The following ZBTB20 variants were observed in gnomAD, a reference collection of about 807,000 sequenced individuals.
The protein encoded by ZBTB20 is zinc finger and BTB domain-containing protein 20.
ZBTB20 carries 9 observed loss-of-function variants against 56.9 expected under a neutral mutation model. The observed-to-expected ratio is 0.16, with a 90% CI of 0.10 to 0.28. The LOEUF (loss-of-function observed/expected upper bound fraction) is 0.28. Ranked by LOEUF, ZBTB20 falls within the 10% of genes least tolerant of loss-of-function variation. ZBTB20 has a pLI of 1.00. For missense variants in ZBTB20, 655 were observed against 1,003.0 expected, an observed-to-expected ratio of 0.65 and a Z score of 4.69; for synonymous variants, 417 against 420.7, an observed-to-expected ratio of 0.99 and a Z score of 0.11.
intron 2 of ZBTB20, among the ~76,000 whole-genome samples, chr3:115,031,503 T>C (rs928958931): frequency 6.6e-6 from 1 of 151,418 alleles, no homozygotes; most frequent in Non-Finnish European, 1.5e-5. Context: ...TTCAAAGTTT[T>C]CCAAGGAGCT....
At chr3:115,115,698 T>C (rs1490201533) in intron 1 of ZBTB20, among the ~76,000 whole-genome samples, 1 of 152,066 alleles carries the variant, frequency 6.6e-6, no homozygotes, top group Non-Finnish European at 1.5e-5. Flanking sequence ...AATATGTTTG[T>C]ATTTTAATAT....
In ZBTB20 at chr3:114,380,200, C is replaced by T. The variant is rs1289579586; in HGVS notation, c.199+17G>A. 60 of 1,531,738 alleles carry T rather than the reference C, an allele frequency of 3.9e-5. No individual in the cohort carries two copies. The highest frequency in any genetic ancestry group is 5.2e-5 in the Non-Finnish European group (60 of 1,144,090). 94.9% of individuals were successfully genotyped at this position (1,531,738 alleles called of 1,614,324 possible). ...CCAAGCACTGCAAAGACACCATCACCTTAGTGGTGTACTCACAATCAGATG... is the reference window on the plus strand; with the variant it reads ...CCAAGCACTGCAAAGACACCATCACTTTAGTGGTGTACTCACAATCAGATG... On this transcript the variant is annotated intron_variant, in intron 10 of 11. Coordinates refer to ENST00000675478, the MANE Select transcript of ZBTB20 (RefSeq NM_001348800.3).
At chr3:114,883,916 C>CCTTTTTTT (rs1223732179) in intron 4 of ZBTB20, among the ~76,000 whole-genome samples, 13,708 of 89,594 alleles carry the variant, frequency 0.15, 5,480 homozygotes, top group Non-Finnish European at 0.19. Context: ...ATGGTGTGTT[C>CCTTTTTTT]TTTTTTTTTT....
At chr3:114,446,635 C>G (rs896619226) in intron 7 of ZBTB20, among the ~76,000 whole-genome samples, 2 of 152,088 alleles carry the variant, frequency 1.3e-5, no homozygotes, top group Non-Finnish European at 2.9e-5. Context: ...CACGAACTTC[C>G]TCTCTCTCTT....
chr3:114,588,027 G>T (rs1335938235), intron 6 of ZBTB20, among the ~76,000 whole-genome samples: 1 of 152,170 alleles, frequency 6.6e-6, no homozygotes, highest in Non-Finnish European at 1.5e-5. Flanking sequence ...GCATCTCCTT[G>T]TGTCCATGAC....
At chr3:115,127,875 C>A (rs574560712) in intron 1 of ZBTB20, among the ~76,000 whole-genome samples, 1 of 152,152 alleles carries the variant, frequency 6.6e-6, no homozygotes, top group African/African-American at 2.4e-5. Flanking sequence ...ATGAAAGACA[C>A]TTCTTTCCTA....
chr3:114,686,779 C>T (rs1385485400), intron 6 of ZBTB20, among the ~76,000 whole-genome samples: 1 of 152,124 alleles, frequency 6.6e-6, no homozygotes, highest in Non-Finnish European at 1.5e-5. Context: ...ATCTACATAT[C>T]TCTAACGAGA....
intron 6 of ZBTB20, among the ~76,000 whole-genome samples, chr3:114,571,830 C>G (rs1296827878): frequency 6.6e-6 from 1 of 152,054 alleles, no homozygotes; most frequent in Non-Finnish European, 1.5e-5. Context: ...AAACAGGCTC[C>G]CCAAGTAATT....
intron 3 of ZBTB20, among the ~76,000 whole-genome samples, chr3:114,964,424 A>G (rs190770844): frequency 2.6e-5 from 4 of 152,270 alleles, no homozygotes; most frequent in Admixed American, 1.3e-4. Context: ...CAAAAAGCAA[A>G]CAAACAAACA....
At chr3:114,987,346 G>C (rs1250877905) in intron 2 of ZBTB20, among the ~76,000 whole-genome samples, 1 of 152,090 alleles carries the variant, frequency 6.6e-6, no homozygotes, top group Non-Finnish European at 1.5e-5. Context: ...TACAATGAAT[G>C]CAGAAAGCTT....
intron 5 of ZBTB20, among the ~76,000 whole-genome samples, chr3:114,732,568 G>C (rs1461881013): frequency 2.6e-5 from 4 of 152,178 alleles, no homozygotes; most frequent in Admixed American, 2.6e-4. Flanking sequence ...TACTCCTGGG[G>C]AAGGCTACAT....
intron 6 of ZBTB20, among the ~76,000 whole-genome samples, chr3:114,643,993 T>C (rs566198456): frequency 6.6e-6 from 1 of 152,156 alleles, no homozygotes; most frequent in South Asian, 2.1e-4. Context: ...TTAACTATTT[T>C]TTGAGTGCAC....
Position 114,338,713 on chromosome 3 carries a change from G to A in ZBTB20, c.*292C>T. ...TTTGTAAAGAAGGGTTGTATTTAGA[G>A]GCCAGTAGCTAGAGATCCAACCAGT... On this transcript the variant is annotated 3_prime_UTR_variant, in exon 12 of 12. Transcript: ENST00000675478. The A allele has an allele frequency of 3.6e-6, 1 of 280,230 alleles. No individual in the cohort carries two copies. The highest frequency in any genetic ancestry group is 6.5e-6 in the Non-Finnish European group (1 of 152,788). The allele number at this position is 280,230 out of a possible 1,614,324, so 17.4% of individuals were successfully genotyped here.
intron 5 of ZBTB20, among the ~76,000 whole-genome samples, chr3:114,773,312 G>A (rs910497980): frequency 6.6e-6 from 1 of 151,974 alleles, no homozygotes; most frequent in Non-Finnish European, 1.5e-5. Context: ...GTTTGTGGTT[G>A]GTACAACAGC....
At chr3:115,120,854 A>G (rs2084164355) in intron 1 of ZBTB20, among the ~76,000 whole-genome samples, 1 of 152,108 alleles carries the variant, frequency 6.6e-6, no homozygotes, top group Admixed American at 6.5e-5. Flanking sequence ...ATAAGAAAAA[A>G]GTGATAAAAT....
chr3:114,863,258 G>T (rs962049040), intron 4 of ZBTB20, among the ~76,000 whole-genome samples: 6 of 152,082 alleles, frequency 3.9e-5, no homozygotes, highest in African/African-American at 1.4e-4. Flanking sequence ...CAATATCTAA[G>T]AAATTAATTT....
chr3:114,721,955 C>T (rs1220192951), intron 5 of ZBTB20, among the ~76,000 whole-genome samples: 1 of 152,192 alleles, frequency 6.6e-6, no homozygotes, highest in East Asian at 1.9e-4. Flanking sequence ...ATAAAAGCCA[C>T]AGAAGCAACT....
At chr3:114,829,290 C>A (rs565852233) in intron 4 of ZBTB20, among the ~76,000 whole-genome samples, 3 of 151,882 alleles carry the variant, frequency 2.0e-5, no homozygotes, top group African/African-American at 7.2e-5. Context: ...TAAAGGGAAT[C>A]AATGAAGAGA....
intron 2 of ZBTB20, among the ~76,000 whole-genome samples, chr3:114,982,538 C>T (rs1430766254): frequency 6.6e-6 from 1 of 151,932 alleles, no homozygotes; most frequent in East Asian, 1.9e-4. Flanking sequence ...ATAAATAAAT[C>T]CCATCCTTAT....
Sources: gnomAD v4.1 joint callset for allele counts (sites outside exome capture counted in the v4.1 genomes callset) on GRCh38, gnomAD v4.1.1 for gene constraint, MANE v1.5 for transcripts, NCBI Gene and HGNC (gene_info 2026-07-23, HGNC 2026-07-21) for gene names.